The following PTPRD variants were observed in gnomAD, a reference collection of about 807,000 sequenced individuals.
The protein encoded by PTPRD is receptor-type tyrosine-protein phosphatase delta.
Under a neutral mutation model 214.5 loss-of-function variants are expected in PTPRD, and 34 were observed. The observed-to-expected ratio is 0.16, with a 90% CI of 0.12 to 0.21. PTPRD has a LOEUF of 0.21. Ranked by LOEUF, PTPRD falls within the 10% of genes least tolerant of loss-of-function variation. PTPRD has a pLI of 1.00. For synonymous variants in PTPRD, 1,128 were observed against 845.7 expected (o/e 1.33, Z -5.79); for missense variants, 2,545 against 2,398.7 (o/e 1.06, Z -1.27).
At chr9:9,688,927 G>T (rs1393666039) in intron 7 of PTPRD, among the ~76,000 whole-genome samples, 1 of 151,660 alleles carries the variant, frequency 6.6e-6, no homozygotes, top group Non-Finnish European at 1.5e-5. Flanking sequence ...TGAATGGCTA[G>T]CTAGGTAAAC....
intron 7 of PTPRD, among the ~76,000 whole-genome samples, chr9:9,682,418 G>T (rs2097092601): frequency 1.3e-5 from 2 of 151,762 alleles, no homozygotes; most frequent in Non-Finnish European, 2.9e-5. Context: ...AGGTGATTCT[G>T]GCTCTGGGTT....
chr9:10,175,122 T>C (rs113591872), intron 3 of PTPRD, among the ~76,000 whole-genome samples: 244 of 152,218 alleles, frequency 1.6e-3, no homozygotes, highest in African/African-American at 5.6e-3. Flanking sequence ...AGATAAGAAC[T>C]ACTCAATGGA....
At chr9:9,132,726 T>C (rs1470956937) in intron 10 of PTPRD, among the ~76,000 whole-genome samples, 1 of 152,202 alleles carries the variant, frequency 6.6e-6, no homozygotes, top group Non-Finnish European at 1.5e-5. Context: ...TTAAATGAAC[T>C]GTAGGCAATG....
rs142908778 is a variant in PTPRD, at chr9:9,419,128, T to TACACACACAC, written c.-236-21656_-236-21647dup. Among the ~76,000 whole-genome samples the TACACACACAC allele has an allele frequency of 2.0e-3, 284 of 139,974 alleles. 2 individuals carry two copies. Among genetic ancestry groups the TACACACACAC allele is most frequent in the East Asian group, 6.4e-3 (30 of 4,710 alleles). 91.8% of individuals were successfully genotyped at this position (139,974 alleles called of 152,430 possible). A position where few individuals can be genotyped will look rare whatever the true frequency, so the allele number is the denominator to read the frequency against. Reference sequence around the variant, plus strand: ...ATGAATTCTAAAGATAGGCCCCTTATACACACACACACACACACACACACA... The same window carrying TACACACACAC: ...ATGAATTCTAAAGATAGGCCCCTTATACACACACACACACACACACACACACACACACACA... On this transcript the variant is annotated intron_variant, in intron 8 of 45. Transcript: ENST00000381196.
chr9:10,098,959 G>A (rs886375301), intron 3 of PTPRD, among the ~76,000 whole-genome samples: 2 of 151,646 alleles, frequency 1.3e-5, no homozygotes, highest in African/African-American at 4.8e-5. Flanking sequence ...GAATTTCATA[G>A]ACAGCAAAAC....
At chr9:10,201,645 AT>A (rs1358085338) in intron 3 of PTPRD, among the ~76,000 whole-genome samples, 1 of 151,854 alleles carries the variant, frequency 6.6e-6, no homozygotes, top group Non-Finnish European at 1.5e-5. Context: ...TTGATAGACA[AT>A]TATTTTGCTT....
At chr9:9,135,571 G>T (rs561939380) in intron 10 of PTPRD, among the ~76,000 whole-genome samples, 1 of 152,246 alleles carries the variant, frequency 6.6e-6, no homozygotes, top group African/African-American at 2.4e-5. Flanking sequence ...TTCCCAGAAG[G>T]TGGCTAAGTG....
chr9:10,060,563 T>C (rs2097743200), intron 3 of PTPRD, among the ~76,000 whole-genome samples: 1 of 151,988 alleles, frequency 6.6e-6, no homozygotes, highest in Non-Finnish European at 1.5e-5. Context: ...TGTGTCAAAG[T>C]ATTTTTTTAA....
intron 11 of PTPRD, among the ~76,000 whole-genome samples, chr9:8,990,307 G>A (rs2099361334): frequency 6.6e-6 from 1 of 152,118 alleles, no homozygotes; most frequent in African/African-American, 2.4e-5. Flanking sequence ...TCAGTTACGT[G>A]GAATATGGTG....
chr9:9,656,114 A>C lies in PTPRD; in HGVS notation c.-287+78419T>G, dbSNP rs576056435. On this transcript the variant is annotated intron_variant, in intron 7 of 45. Transcript: ENST00000381196. ...CCCATGGGGAAAATCCAAAACACTG[A>C]CAACATTAAATTATGGTAAGGATGT... 1.3e-5 allele frequency among the ~76,000 whole-genome samples: 2 copies of C among 152,330 alleles called. 1 individual carries two copies. The highest frequency in any genetic ancestry group is 3.9e-4 in the East Asian group (2 of 5,190).
At chr9:9,693,469 C>A (rs2097312029) in intron 7 of PTPRD, among the ~76,000 whole-genome samples, 1 of 152,132 alleles carries the variant, frequency 6.6e-6, no homozygotes, top group South Asian at 2.1e-4. Flanking sequence ...CCATGTGCAA[C>A]TATGAGTCAT....
chr9:8,389,314 G>A lies in PTPRD; in HGVS notation c.4304C>T (p.Thr1435Ile), dbSNP rs1589286489. Residue 1435 changes from threonine to isoleucine, a missense_variant, in exon 37 of 46, where the codon ACA becomes ATA. Thr to Ile is a moderately conservative substitution (Grantham distance 89, BLOSUM62 -1). Transcript: ENST00000381196. The stretch of plus-strand genomic sequence containing the variant: ...TATCATTCTCCAAAAGTCCCCAAAT[G>A]TTTCGGGGAGAGATCCCTGTGTTGC... Reference protein sequence around the residue: ...YIATQGSLPETFGDFWRMIWE... With the variant: ...YIATQGSLPEIFGDFWRMIWE... 6.2e-7 allele frequency: 1 copy of A among 1,612,758 alleles called. No homozygotes were observed. Among genetic ancestry groups the A allele is most frequent in the Non-Finnish European group, 8.5e-7 (1 of 1,179,152 alleles).
chr9:9,509,687 A>G (rs1393812078), intron 8 of PTPRD, among the ~76,000 whole-genome samples: 1 of 151,550 alleles, frequency 6.6e-6, no homozygotes, highest in Non-Finnish European at 1.5e-5. Context: ...TTCCTTGGCT[A>G]TCTTCATTGT....
intron 32 of PTPRD, 51 bp downstream of exon 32, chr9:8,465,415 G>A (rs2096527040): frequency 6.6e-7 from 1 of 1,520,712 alleles, no homozygotes; most frequent in Admixed American, 1.7e-5. Context: ...ACATTCCAGT[G>A]AAAATGTATA....
chr9:10,350,493 G>C (rs1161529690), intron 2 of PTPRD, among the ~76,000 whole-genome samples: 4 of 151,800 alleles, frequency 2.6e-5, no homozygotes, highest in South Asian at 4.2e-4. Flanking sequence ...CATTTACTTT[G>C]AGTCTCTCTG....
intron 11 of PTPRD, among the ~76,000 whole-genome samples, chr9:8,918,028 G>A (rs1302201077): frequency 1.3e-5 from 2 of 152,120 alleles, no homozygotes; most frequent in Admixed American, 6.6e-5. Flanking sequence ...AATCAACAGC[G>A]TCACAACAAG....
Position 9,822,800 on chromosome 9 carries a change from C to G in PTPRD, c.-367-55949G>C, listed in dbSNP as rs186486092. Among the ~76,000 whole-genome samples the G allele has an allele frequency of 3.8e-3, 577 of 152,054 alleles. 3 individuals carry two copies. Among genetic ancestry groups the G allele is most frequent in the African/African-American group, 0.013 (522 of 41,484 alleles). On this transcript the variant is annotated intron_variant, in intron 5 of 45. Transcript: ENST00000381196. ...GCTGACATGACCTCATGTGACGATT[C>G]TCAGCGAAATAATAATAGATGCTGG...
At chr9:9,257,271 A>G (rs2099978129) in intron 9 of PTPRD, among the ~76,000 whole-genome samples, 1 of 151,860 alleles carries the variant, frequency 6.6e-6, no homozygotes, top group Non-Finnish European at 1.5e-5. Flanking sequence ...TTTTCTTTAT[A>G]TGGCTAATGA....
chr9:8,583,019 G>A (rs995132364), intron 14 of PTPRD, among the ~76,000 whole-genome samples: 2 of 152,170 alleles, frequency 1.3e-5, no homozygotes, highest in Non-Finnish European at 2.9e-5. Context: ...TAAATTGGGG[G>A]TTATTGATTC....
Sources: gnomAD v4.1 joint callset for allele counts (sites outside exome capture counted in the v4.1 genomes callset) on GRCh38, gnomAD v4.1.1 for gene constraint, MANE v1.5 for transcripts, NCBI Gene and HGNC (gene_info 2026-07-23, HGNC 2026-07-21) for gene names.